KIAA0825: variants seen among roughly 807,000 people sequenced by gnomAD.
The protein encoded by KIAA0825 is KIAA0825, also known as uncharacterized protein KIAA0825.
In KIAA0825, 119 loss-of-function variants were observed where a neutral mutation model predicts 147.6. The observed-to-expected ratio is 0.81, with a 90% CI of 0.69 to 0.94. The LOEUF (loss-of-function observed/expected upper bound fraction) is 0.94, where lower values mean the gene tolerates loss of function less well. Ranked by LOEUF, KIAA0825 falls within the 40% of genes least tolerant of loss-of-function variation. The probability of loss-of-function intolerance (pLI) is 0.00; values close to 1 mark genes in which losing one functional copy is unlikely to be tolerated. For synonymous variants in KIAA0825, 470 were observed against 518.1 expected (o/e 0.91, Z 1.26); for missense variants, 1,381 against 1,472.7 (o/e 0.94, Z 1.02).
intron 14 of KIAA0825, among the ~76,000 whole-genome samples, chr5:94,431,125 A>G (rs1562490069): frequency 6.6e-6 from 1 of 152,184 alleles, no homozygotes; most frequent in Non-Finnish European, 1.5e-5. Context: ...TGCATCAGAC[A>G]TCTTTTCCAG....
intron 1 of KIAA0825, among the ~76,000 whole-genome samples, chr5:94,584,517 C>A (rs1006818718): frequency 3.9e-5 from 6 of 152,096 alleles, no homozygotes; most frequent in Admixed American, 6.5e-5. Flanking sequence ...CTGAACAAAG[C>A]CTCCAAGAAA....
At chr5:94,201,191 A>G (rs969811439) in intron 20 of KIAA0825, among the ~76,000 whole-genome samples, 2 of 150,806 alleles carry the variant, frequency 1.3e-5, no homozygotes, top group Non-Finnish European at 3.0e-5. Context: ...AAAGAACAGA[A>G]AGCAGTGGCC....
At chr5:94,230,549 A>T (rs1774602314) in intron 20 of KIAA0825, among the ~76,000 whole-genome samples, 1 of 152,120 alleles carries the variant, frequency 6.6e-6, no homozygotes, top group East Asian at 1.9e-4. Flanking sequence ...ATATCTCTCA[A>T]CATTGTTGTC....
At chr5:94,578,094 C>T (rs1781395757) in intron 2 of KIAA0825, among the ~76,000 whole-genome samples, 1 of 152,132 alleles carries the variant, frequency 6.6e-6, no homozygotes. Flanking sequence ...AAAGATATCC[C>T]TTTATGTGGT....
At chr5:94,480,674 T>C (rs1762398310) in intron 6 of KIAA0825, among the ~76,000 whole-genome samples, 1 of 152,096 alleles carries the variant, frequency 6.6e-6, no homozygotes, top group Admixed American at 6.6e-5. Context: ...CAAAGTAATG[T>C]GCTCAGATGT....
chr5:94,279,849 A>C (rs1310059778), intron 20 of KIAA0825, among the ~76,000 whole-genome samples: 3 of 152,214 alleles, frequency 2.0e-5, no homozygotes, highest in Middle Eastern at 3.4e-3. Flanking sequence ...CCTAGGCCTA[A>C]GGAAAAGCAC....
intron 1 of KIAA0825, chr5:94,592,718 T>C (rs1015383922): frequency 1.0e-5 from 3 of 296,994 alleles, no homozygotes; most frequent in African/African-American, 6.7e-5. Flanking sequence ...TTGTTGCACC[T>C]GACAACTAGT....
intron 20 of KIAA0825, among the ~76,000 whole-genome samples, chr5:94,211,047 C>T (rs1289195170): frequency 6.6e-6 from 1 of 152,156 alleles, no homozygotes; most frequent in African/African-American, 2.4e-5. Flanking sequence ...AAAATACTAT[C>T]AACAAAGATC....
intron 11 of KIAA0825, among the ~76,000 whole-genome samples, chr5:94,464,156 G>A (rs934519239): frequency 5.3e-5 from 8 of 150,598 alleles, no homozygotes. Context: ...TAAAAGGTCT[G>A]AATCACATTA....
chr5:94,524,770 T>A (rs2151243994), intron 3 of KIAA0825, among the ~76,000 whole-genome samples: 1 of 151,924 alleles, frequency 6.6e-6, no homozygotes, highest in Non-Finnish European at 1.5e-5. Context: ...CCATATTTTC[T>A]AAATATTTAT....
At chr5:94,269,789 G>A (rs1311454588) in intron 20 of KIAA0825, among the ~76,000 whole-genome samples, 1 of 151,914 alleles carries the variant, frequency 6.6e-6, no homozygotes, top group Non-Finnish European at 1.5e-5. Context: ...CCCCAAATTA[G>A]TAGAAGAAAA....
intron 20 of KIAA0825, among the ~76,000 whole-genome samples, chr5:94,262,334 G>A (rs960931062): frequency 2.0e-4 from 30 of 152,040 alleles, no homozygotes; most frequent in African/African-American, 6.7e-4. Flanking sequence ...ATATAAATTA[G>A]CATAGCCTCT....
At chr5:94,614,619 G>T (rs1789892232) in intron 1 of KIAA0825, among the ~76,000 whole-genome samples, 1 of 151,662 alleles carries the variant, frequency 6.6e-6, no homozygotes, top group South Asian at 2.1e-4. Flanking sequence ...TGTCCCTCTT[G>T]TTCCCCTGCC....
intron 20 of KIAA0825, among the ~76,000 whole-genome samples, chr5:94,346,303 G>A (rs1244750626): frequency 2.0e-5 from 3 of 152,082 alleles, no homozygotes; most frequent in African/African-American, 7.2e-5. Context: ...TAGATAACAA[G>A]CAGAATGGAT....
chr5:94,293,050 TA>T (rs200310667), intron 20 of KIAA0825, among the ~76,000 whole-genome samples: 3 of 150,952 alleles, frequency 2.0e-5, no homozygotes, highest in East Asian at 1.9e-4. Context: ...TGTTAATCTT[TA>T]AAAAAAAACA....
chr5:94,316,380 A>G lies in KIAA0825; in HGVS notation c.3710+67988T>C, dbSNP rs140857575. ...CAAAAACTGAAGTATAATATTTTCT[A>G]TAATACCAAAAAAAAAAACCTTATA... On this transcript the variant is annotated intron_variant, in intron 20 of 20. Coordinates refer to ENST00000682413, the MANE Select transcript of KIAA0825 (RefSeq NM_001145678.3). Among the ~76,000 whole-genome samples, 23 of 151,746 alleles carry G rather than the reference A, an allele frequency of 1.5e-4. No individual in the cohort carries two copies. In the East Asian group the frequency reaches 2.9e-3, roughly 19 times the overall value.
At chr5:94,184,963 A>G (rs2149986437) in intron 20 of KIAA0825, among the ~76,000 whole-genome samples, 1 of 152,322 alleles carries the variant, frequency 6.6e-6, no homozygotes, top group African/African-American at 2.4e-5. Flanking sequence ...AAACAATACA[A>G]TCAACTATTT....
chr5:94,469,908 C>G lies in KIAA0825; in HGVS notation c.1872+53G>C, dbSNP rs187888013. ...TTTCTAATTAGCCAGAAAGCAGGTA[C>G]GCAGTAAAACATATTTGTGTAAAAA... On this transcript the variant is annotated intron_variant, in intron 10 of 20. Coordinates refer to ENST00000682413, the MANE Select transcript of KIAA0825 (RefSeq NM_001145678.3). 23 of 1,398,690 alleles carry G rather than the reference C, an allele frequency of 1.6e-5. No homozygotes were observed. In the South Asian group the frequency reaches 3.2e-4, roughly 20 times the overall value. The allele number at this position is 1,398,690 out of a possible 1,614,324, so 86.6% of individuals were successfully genotyped here.
intron 5 of KIAA0825, among the ~76,000 whole-genome samples, chr5:94,497,000 G>A (rs775299350): frequency 1.1e-4 from 16 of 152,070 alleles, no homozygotes; most frequent in Admixed American, 2.6e-4. Context: ...TGAACGTGGC[G>A]CCTTCCCTAT....
Sources: allele counts gnomAD v4.1 joint callset (sites outside exome capture counted in the v4.1 genomes callset), GRCh38; gene constraint gnomAD v4.1.1; transcripts MANE v1.5; gene names NCBI Gene and HGNC (gene_info 2026-07-23, HGNC 2026-07-21).